Variants in COL19A1 observed in about 807,000 individuals in gnomAD.
COL19A1 encodes the protein collagen alpha-1(XIX) chain.
In COL19A1, 159 loss-of-function variants were observed where a neutral mutation model predicts 190.2. The ratio of observed to expected loss-of-function variants is 0.84; its 90% confidence interval spans 0.73 to 0.95. COL19A1 has a LOEUF of 0.95. COL19A1 is among the 40% of genes least tolerant of loss of function. The probability of loss-of-function intolerance (pLI) is 0.00; values close to 1 mark genes in which losing one functional copy is unlikely to be tolerated. For synonymous variants in COL19A1, 509 were observed against 458.9 expected (o/e 1.11, Z -1.39); for missense variants, 1,418 against 1,431.9 (o/e 0.99, Z 0.16).
intron 15 of COL19A1, among the ~76,000 whole-genome samples, chr6:70,078,634 A>AC (rs1562150568): frequency 6.6e-6 from 1 of 152,314 alleles, no homozygotes; most frequent in East Asian, 1.9e-4. Flanking sequence ...ACCCATGGCA[A>AC]CTGAGCCCAC....
At chr6:70,082,785 C>A (rs1312735846) in intron 15 of COL19A1, among the ~76,000 whole-genome samples, 1 of 152,116 alleles carries the variant, frequency 6.6e-6, no homozygotes, top group East Asian at 1.9e-4. Context: ...GATGGGTTTT[C>A]TGGAAGATTT....
At position 69,929,624 on chromosome 6, in the gene COL19A1, C is replaced by T. The variant is rs200842660; in HGVS notation, c.590C>T (p.Thr197Ile). The T allele has an allele frequency of 3.7e-5, 59 of 1,613,788 alleles. No individual in the cohort carries two copies. Among genetic ancestry groups the T allele is most frequent in the Admixed American group, 5.0e-5 (3 of 59,950 alleles). ...TGTAATTTAATTGCGAGGAGGCAGA[C>T]TGATGAAAAGGACACTGTGGATTTC... Reference protein sequence around the residue: ...MDCNLIARRQTDEKDTVDFHG... With the variant: ...MDCNLIARRQIDEKDTVDFHG... Residue 197 changes from threonine (T) to isoleucine (I), a missense_variant, in exon 6 of 51, where the codon ACT (threonine) becomes ATT (isoleucine). Transcript: ENST00000620364.
At chr6:69,888,650 G>A (rs1459163003) in intron 2 of COL19A1, among the ~76,000 whole-genome samples, 6 of 151,882 alleles carry the variant, frequency 4.0e-5, no homozygotes, top group African/African-American at 1.2e-4. Flanking sequence ...AAAATTAGCC[G>A]GGCGTGGTGG....
chr6:70,170,278 GAAA>G (rs71869788), intron 40 of COL19A1, among the ~76,000 whole-genome samples: 3,140 of 152,190 alleles, frequency 0.021, 45 homozygotes, highest in Non-Finnish European at 0.031. Context: ...GTCCTGTAGG[GAAA>G]AATAATAGTT....
intron 15 of COL19A1, among the ~76,000 whole-genome samples, chr6:70,069,374 A>G (rs1345530948): frequency 6.6e-6 from 1 of 152,076 alleles, no homozygotes; most frequent in Non-Finnish European, 1.5e-5. Context: ...CTCAACTACA[A>G]ATATTTGAGG....
At chr6:70,163,526 T>C in intron 36 of COL19A1, 130 bp downstream of exon 36, 1 of 772,556 alleles carries the variant, frequency 1.3e-6, no homozygotes, top group Non-Finnish European at 2.1e-6. Flanking sequence ...AAGTACCTAT[T>C]CTTGTAGTGG....
intron 17 of COL19A1, among the ~76,000 whole-genome samples, chr6:70,125,599 T>A (rs1785148822): frequency 6.7e-6 from 1 of 150,170 alleles, no homozygotes; most frequent in African/African-American, 2.5e-5. Flanking sequence ...AAAAAGCAAA[T>A]GAGGAAGAAA....
At chr6:69,944,621 A>G (rs1434116058) in intron 9 of COL19A1, among the ~76,000 whole-genome samples, 1 of 152,156 alleles carries the variant, frequency 6.6e-6, no homozygotes, top group African/African-American at 2.4e-5. Flanking sequence ...GTAATGAAGC[A>G]TCAAAAATAT....
At chr6:70,051,400 A>G (rs142524456) in intron 14 of COL19A1, among the ~76,000 whole-genome samples, 110 of 152,216 alleles carry the variant, frequency 7.2e-4, no homozygotes, top group African/African-American at 2.5e-3. Flanking sequence ...AGGCATTATT[A>G]CTCATGGCAG....
At chr6:70,034,180 T>A (rs1779220970) in intron 12 of COL19A1, 65 bp from the exon 13 acceptor site, 1 of 1,078,456 alleles carries the variant, frequency 9.3e-7, no homozygotes, top group Admixed American at 1.7e-5. Flanking sequence ...TTTATTTTGT[T>A]ACTAATGACT....
intron 14 of COL19A1, among the ~76,000 whole-genome samples, chr6:70,050,451 A>G (rs901519048): frequency 6.6e-6 from 1 of 152,076 alleles, no homozygotes; most frequent in Non-Finnish European, 1.5e-5. Context: ...CATGAGAATA[A>G]GAACCTTGTC....
chr6:69,870,337 G>A (rs141019996), intron 1 of COL19A1, among the ~76,000 whole-genome samples: 1 of 152,354 alleles, frequency 6.6e-6, no homozygotes, highest in East Asian at 1.9e-4. Flanking sequence ...AGTATAAAGT[G>A]TGCAGAAGCA....
intron 11 of COL19A1, among the ~76,000 whole-genome samples, chr6:70,005,267 G>T (rs1407223922): frequency 6.6e-6 from 1 of 152,076 alleles, no homozygotes; most frequent in East Asian, 1.9e-4. Flanking sequence ...TTCATTGATT[G>T]TTTCTCATCT....
At chr6:69,966,335 G>A (rs933202492) in intron 11 of COL19A1, among the ~76,000 whole-genome samples, 1 of 152,204 alleles carries the variant, frequency 6.6e-6, no homozygotes, top group Non-Finnish European at 1.5e-5. Flanking sequence ...AGAAAAGGGG[G>A]AAATGTGGGG....
chr6:69,970,122 T>C (rs1474570943), intron 11 of COL19A1, among the ~76,000 whole-genome samples: 1 of 151,988 alleles, frequency 6.6e-6, no homozygotes, highest in Non-Finnish European at 1.5e-5. Flanking sequence ...TGTAAATATA[T>C]GGAGAGGTGA....
At position 70,187,458 on chromosome 6, in the gene COL19A1, G is replaced by A. The variant is rs692799; in HGVS notation, c.2857-617G>A. On this transcript the variant is annotated intron_variant, in intron 46 of 50. Coordinates refer to ENST00000620364, the MANE Select transcript of COL19A1 (RefSeq NM_001858.6). ...ACATGATTTAGGAGAGATTTTGAATGTCCTAAAGTTTTTTTAAGTGAAAAG... is the reference window on the plus strand; with the variant it reads ...ACATGATTTAGGAGAGATTTTGAATATCCTAAAGTTTTTTTAAGTGAAAAG... Among the ~76,000 whole-genome samples the A allele has an allele frequency of 6.9e-3, 742 of 107,736 alleles. 144 individuals carry two copies. The highest frequency in any genetic ancestry group is 0.032 in the African/African-American group (678 of 21,248). The allele number at this position is 107,736 out of a possible 152,430, so 70.7% of individuals were successfully genotyped here.
At chr6:70,066,032 A>T (rs575072692) in intron 14 of COL19A1, among the ~76,000 whole-genome samples, 3 of 152,324 alleles carry the variant, frequency 2.0e-5, no homozygotes, top group East Asian at 3.9e-4. Context: ...ATTGTGGAAG[A>T]CAATGCAGCG....
At chr6:70,106,252 C>T (rs951405444) in intron 16 of COL19A1, among the ~76,000 whole-genome samples, 2 of 151,958 alleles carry the variant, frequency 1.3e-5, no homozygotes, top group African/African-American at 4.8e-5. Context: ...AGTATATTCT[C>T]AGTTTCTTAC....
chr6:69,921,353 C>T (rs1582403550), intron 4 of COL19A1, among the ~76,000 whole-genome samples: 1 of 92,976 alleles, frequency 1.1e-5, no homozygotes, highest in African/African-American at 4.4e-5. Flanking sequence ...TATCATATAT[C>T]ATAATCATAT....
Sources: gnomAD v4.1 joint callset for allele counts (sites outside exome capture counted in the v4.1 genomes callset) on GRCh38, gnomAD v4.1.1 for gene constraint, MANE v1.5 for transcripts, NCBI Gene and HGNC (gene_info 2026-07-23, HGNC 2026-07-21) for gene names.